LVRN: variants seen among roughly 807,000 people sequenced by gnomAD.
LVRN encodes aminopeptidase Q.
A neutral mutation model predicts 111.4 loss-of-function variants in LVRN; 99 were observed. The ratio of observed to expected loss-of-function variants is 0.89; its 90% CI spans 0.76 to 1.05. The LOEUF is 1.05. Among genes scored for constraint, LVRN ranks in the 50% least tolerant of loss-of-function variants. LVRN has a pLI of 0.00. For missense variants in LVRN, 1,414 were observed against 1,206.8 expected (o/e 1.17, Z -2.54); for synonymous variants, 488 against 449.5 (o/e 1.09, Z -1.08).
At chr5:116,002,795 G>T (rs762183791) in intron 10 of LVRN, 40 bp from the exon 11 acceptor site, 3 of 1,408,900 alleles carry the variant, frequency 2.1e-6, no homozygotes, top group Non-Finnish European at 3.0e-6. Flanking sequence ...ATGTTTTTAT[G>T]TGTGAAAAGT....
At position 116,010,907 on chromosome 5, in the gene LVRN, T is replaced by C. The variant is rs746537878; in HGVS notation, c.2247+13T>C. ...CTCATTATTAAAGGTAATTTCATTC[T>C]TTCTTATGTAGTTTTTAAATAAATC... On this transcript the variant is annotated intron_variant, in intron 14 of 19. Transcript: ENST00000357872. The C allele has an allele frequency of 6.5e-7, 1 of 1,531,072 alleles. No homozygotes were observed. The allele number at this position is 1,531,072 out of a possible 1,614,324, so 94.8% of individuals were successfully genotyped here. A position where few individuals can be genotyped will look rare whatever the true frequency, so the allele number is the denominator to read the frequency against.
chr5:116,000,659 G>A lies in LVRN; in HGVS notation c.1647+1G>A. ...TGATCTATGGAGGCATTTTCAAATG[G>A]TAATTGTCCTACTTTCTGACACATT... On this transcript the variant is annotated splice_donor_variant, in intron 9 of 19. Coordinates refer to ENST00000357872, the MANE Select transcript of LVRN (RefSeq NM_173800.5). LOFTEE classifies it high-confidence loss of function. 1 of 1,613,352 alleles carries A rather than the reference G, an allele frequency of 6.2e-7. No homozygotes were observed.
chr5:115,984,807 A>C, intron 3 of LVRN, 98 bp downstream of exon 3: 1 of 1,484,154 alleles, frequency 6.7e-7, no homozygotes, highest in Non-Finnish European at 9.1e-7. Context: ...CATATCCCCA[A>C]ATCGCTTCCT....
chr5:116,025,458 A>G (rs965682167), intron 19 of LVRN, among the ~76,000 whole-genome samples: 8 of 152,204 alleles, frequency 5.3e-5, no homozygotes, highest in African/African-American at 1.7e-4. Context: ...TATACATAAT[A>G]TTGCAACAAA....
rs558809678 is a variant in LVRN, at chr5:116,018,559, C to A, written c.2756+2794C>A. ...TGGTGGCACATGCCTGTAATCCCAG[C>A]TACTCAGGAAGCTGAGGCAGGAGAA... On this transcript the variant is annotated intron_variant, in intron 18 of 19. Coordinates refer to ENST00000357872, the MANE Select transcript of LVRN (RefSeq NM_173800.5). Among the ~76,000 whole-genome samples the A allele has an allele frequency of 9.1e-4, 139 of 152,166 alleles. 2 individuals carry two copies. The highest frequency in any genetic ancestry group is 8.1e-3 in the South Asian group (39 of 4,814).
At chr5:116,007,727 A>C (rs1748406113) in intron 13 of LVRN, among the ~76,000 whole-genome samples, 1 of 152,216 alleles carries the variant, frequency 6.6e-6, no homozygotes, top group Non-Finnish European at 1.5e-5. Flanking sequence ...TTTGTTACAA[A>C]TTGAAGATTT....
intron 13 of LVRN, among the ~76,000 whole-genome samples, chr5:116,009,418 G>A (rs2081862): frequency 0.78 from 118,590 of 152,106 alleles, 46,709 homozygotes; most frequent in Non-Finnish European, 0.83. Context: ...AGTAATTTCT[G>A]CTTTTAACTC....
chr5:115,983,559 G>A (rs1747768972), intron 2 of LVRN, 130 bp downstream of exon 2: 1 of 1,018,050 alleles, frequency 9.8e-7, no homozygotes, highest in Non-Finnish European at 1.3e-6. Flanking sequence ...ATTAGGTAGA[G>A]CAGTCACCTG....
chr5:115,966,356 C>T lies in LVRN; in HGVS notation c.695+3044C>T, dbSNP rs142452751. Among the ~76,000 whole-genome samples, 11 of 152,318 alleles carry T rather than the reference C, an allele frequency of 7.2e-5. No individual in the cohort carries two copies. The East Asian group carries it at 2.1e-3, about 29-fold the overall frequency. On this transcript the variant is annotated intron_variant, in intron 1 of 19. Transcript: ENST00000357872. ...GACTCAGCATAATGCCCTTGCGATC[C>T]ATCCAAGTATGCATCAATAGTTTGA... is the stretch of plus-strand genomic sequence containing the variant.
intron 13 of LVRN, among the ~76,000 whole-genome samples, chr5:116,009,855 G>T (rs931670649): frequency 6.6e-6 from 1 of 152,160 alleles, no homozygotes; most frequent in South Asian, 2.1e-4. Context: ...TTGCTGAAAT[G>T]ACAACAAAGG....
At chr5:116,002,731 G>T in intron 10 of LVRN, 104 bp from the exon 11 acceptor site, 1 of 811,312 alleles carries the variant, frequency 1.2e-6, no homozygotes, top group Non-Finnish European at 1.9e-6. Context: ...AATGACCAAA[G>T]AAACTGAGTT....
intron 13 of LVRN, 141 bp downstream of exon 13, chr5:116,006,108 A>C: frequency 1.6e-6 from 1 of 618,546 alleles, no homozygotes; most frequent in Non-Finnish European, 2.6e-6. Context: ...CTGTAGCTGC[A>C]ATGGAATTTT....
Position 116,001,165 on chromosome 5 carries a change from T to G in LVRN, c.1746T>G (p.Asn582Lys). ...HQSGFPVITL[N>K]VSTGVMKQEP... is the part of the protein sequence containing the mutation. The stretch of plus-strand genomic sequence containing the variant: ...GTGGTTTTCCAGTGATCACTTTAAA[T>G]GTGTCTACTGGCGTCATGAAACAGG... The change falls in exon 10 of 20, where the codon AAT becomes AAG. Residue 582 changes from asparagine to lysine, a missense_variant. Asn to Lys is a moderately conservative substitution (Grantham distance 94, BLOSUM62 0). Coordinates refer to ENST00000357872, the MANE Select transcript of LVRN (RefSeq NM_173800.5). The G allele has an allele frequency of 1.2e-6, 2 of 1,613,626 alleles. No homozygotes were observed. Among genetic ancestry groups the G allele is most frequent in the Non-Finnish European group, 1.7e-6 (2 of 1,179,916 alleles).
rs954660493 is a variant in LVRN, at chr5:116,027,110, A to C, written c.*992A>C. 2 of 152,180 alleles carry C rather than the reference A, an allele frequency of 1.3e-5. No homozygotes were observed. Among genetic ancestry groups the C allele is most frequent in the African/African-American group, 4.8e-5 (2 of 41,446 alleles). The allele number at this position is 152,180 out of a possible 1,614,324, so 9.4% of individuals were successfully genotyped here. A position where few individuals can be genotyped will look rare whatever the true frequency, so the allele number is the denominator to read the frequency against. ...CTTGTAATGTGGACCAACTTACTTTACACATTTTCATCAGTCCCAATGTAT... is the reference window on the plus strand; with the variant it reads ...CTTGTAATGTGGACCAACTTACTTTCCACATTTTCATCAGTCCCAATGTAT... On this transcript the variant is annotated 3_prime_UTR_variant, in exon 20 of 20. Coordinates refer to ENST00000357872, the MANE Select transcript of LVRN (RefSeq NM_173800.5).
At chr5:116,009,974 G>A (rs1035295773) in intron 13 of LVRN, among the ~76,000 whole-genome samples, 4 of 152,182 alleles carry the variant, frequency 2.6e-5, no homozygotes, top group African/African-American at 9.7e-5. Flanking sequence ...CTATTAAACA[G>A]CATCGCATAC....
intron 1 of LVRN, among the ~76,000 whole-genome samples, chr5:115,977,780 TG>T (rs1753478917): frequency 6.6e-6 from 1 of 152,202 alleles, no homozygotes; most frequent in African/African-American, 2.4e-5. Flanking sequence ...TCAATTAAGA[TG>T]GTGGGACTCT....
intron 13 of LVRN, among the ~76,000 whole-genome samples, chr5:116,006,924 C>T (rs1202941909): frequency 6.6e-6 from 1 of 152,162 alleles, no homozygotes. Flanking sequence ...CAATTTTTCC[C>T]TGCATGTCAA....
At chr5:116,021,473 C>G (rs1453235761) in intron 18 of LVRN, 1 of 182,734 alleles carries the variant, frequency 5.5e-6, no homozygotes, top group Non-Finnish European at 1.1e-5. Flanking sequence ...TTATATTGTC[C>G]TTCACGTTGC....
At chr5:115,968,513 A>C (rs1292690267) in intron 1 of LVRN, among the ~76,000 whole-genome samples, 1 of 146,812 alleles carries the variant, frequency 6.8e-6, no homozygotes. Context: ...ATCATAGCTC[A>C]CTGCAGTCCC....
Sources: gnomAD v4.1 joint callset for allele counts (sites outside exome capture counted in the v4.1 genomes callset) on GRCh38, gnomAD v4.1.1 for gene constraint, MANE v1.5 for transcripts, NCBI Gene and HGNC (gene_info 2026-07-23, HGNC 2026-07-21) for gene names.